The following MACROD2 variants were observed in gnomAD, a reference collection of about 807,000 sequenced individuals.
MACROD2 encodes ADP-ribose glycohydrolase MACROD2.
MACROD2 carries 36 observed loss-of-function variants against 70.4 expected under a neutral mutation model. That is an observed-to-expected ratio of 0.51 (90% CI 0.39 to 0.68). The LOEUF (loss-of-function observed/expected upper bound fraction) is 0.68. MACROD2 is among the 30% of genes least tolerant of loss of function. The pLI is 0.00. For synonymous variants in MACROD2, 172 were observed against 178.8 expected (o/e 0.96, Z 0.30); for missense variants, 496 against 538.4 (o/e 0.92, Z 0.78).
At chr20:14,561,005 G>C (rs1979396023) in intron 4 of MACROD2, among the ~76,000 whole-genome samples, 1 of 151,726 alleles carries the variant, frequency 6.6e-6, no homozygotes, top group Non-Finnish European at 1.5e-5. Flanking sequence ...TTAACAGATG[G>C]ACTGTCAGAT....
intron 5 of MACROD2, among the ~76,000 whole-genome samples, chr20:14,692,757 A>G (rs748300208): frequency 1.3e-4 from 20 of 152,176 alleles, no homozygotes; most frequent in Non-Finnish European, 2.5e-4. Flanking sequence ...TAGCAGTATA[A>G]GAAAGCACAG....
At chr20:15,131,621 A>G (rs1161958666) in intron 5 of MACROD2, among the ~76,000 whole-genome samples, 1 of 152,104 alleles carries the variant, frequency 6.6e-6, no homozygotes, top group Non-Finnish European at 1.5e-5. Context: ...CAAAATTATT[A>G]TTAAAAATGT....
intron 5 of MACROD2, among the ~76,000 whole-genome samples, chr20:14,890,766 A>T (rs1299966962): frequency 1.4e-5 from 1 of 69,162 alleles, no homozygotes; most frequent in African/African-American, 7.2e-5. Flanking sequence ...CAGAAAAAAA[A>T]AAATAATAAA....
intron 8 of MACROD2, among the ~76,000 whole-genome samples, chr20:15,685,577 G>T (rs1382864082): frequency 6.6e-6 from 1 of 152,132 alleles, no homozygotes; most frequent in Non-Finnish European, 1.5e-5. Flanking sequence ...TAGACAAGGG[G>T]GAAGACTCAT....
chr20:14,641,578 C>G (rs906492865), intron 4 of MACROD2, among the ~76,000 whole-genome samples: 3 of 152,140 alleles, frequency 2.0e-5, no homozygotes, highest in African/African-American at 7.2e-5. Context: ...CAAAATTGCT[C>G]CTTGATTGAT....
chr20:15,270,365 G>A (rs181056036), intron 6 of MACROD2, among the ~76,000 whole-genome samples: 13 of 152,194 alleles, frequency 8.5e-5, no homozygotes, highest in South Asian at 2.1e-4. Context: ...AAAGAAGCCC[G>A]TCTCATATTC....
At chr20:14,819,373 G>A (rs1291607893) in intron 5 of MACROD2, among the ~76,000 whole-genome samples, 1 of 144,782 alleles carries the variant, frequency 6.9e-6, no homozygotes, top group Admixed American at 6.9e-5. Flanking sequence ...GCTGCAAGAC[G>A]TATTGATAAG....
At chr20:14,139,772 A>G (rs1191997189) in intron 3 of MACROD2, among the ~76,000 whole-genome samples, 1 of 152,214 alleles carries the variant, frequency 6.6e-6, no homozygotes, top group Admixed American at 6.5e-5. Flanking sequence ...AATATTCCCA[A>G]TCCAAAAATC....
intron 8 of MACROD2, among the ~76,000 whole-genome samples, chr20:15,730,331 A>G (rs1050972203): frequency 6.6e-6 from 1 of 152,084 alleles, no homozygotes; most frequent in African/African-American, 2.4e-5. Context: ...GGTGGTTGCT[A>G]TTGGTCTGTC....
intron 8 of MACROD2, among the ~76,000 whole-genome samples, chr20:15,840,485 A>G (rs2064158496): frequency 6.6e-6 from 1 of 152,176 alleles, no homozygotes; most frequent in African/African-American, 2.4e-5. Flanking sequence ...TCAATTCACA[A>G]AAAAAGATCT....
At chr20:14,822,030 T>G (rs2072851178) in intron 5 of MACROD2, among the ~76,000 whole-genome samples, 1 of 152,094 alleles carries the variant, frequency 6.6e-6, no homozygotes, top group Admixed American at 6.6e-5. Context: ...AAGTAGGTAT[T>G]TGACATCTCA....
chr20:14,223,826 A>G (rs1207102757), intron 3 of MACROD2, among the ~76,000 whole-genome samples: 5 of 152,074 alleles, frequency 3.3e-5, no homozygotes, highest in Non-Finnish European at 7.4e-5. Context: ...GGACTGTATT[A>G]GTTAGGGTTC....
chr20:14,849,322 G>T (rs1457496473), intron 5 of MACROD2, among the ~76,000 whole-genome samples: 1 of 152,088 alleles, frequency 6.6e-6, no homozygotes, highest in African/African-American at 2.4e-5. Context: ...CTCACCTCAT[G>T]ATTGCTTTAT....
intron 3 of MACROD2, among the ~76,000 whole-genome samples, chr20:14,434,071 A>T (rs1253298968): frequency 6.6e-6 from 1 of 152,182 alleles, no homozygotes; most frequent in Non-Finnish European, 1.5e-5. Context: ...TTTAGTCAGT[A>T]TGTTTTTATT....
intron 2 of MACROD2, among the ~76,000 whole-genome samples, chr20:14,074,965 T>G (rs763960617): frequency 6.6e-6 from 1 of 152,230 alleles, no homozygotes; most frequent in Non-Finnish European, 1.5e-5. Context: ...AAATTGTAGA[T>G]GCTATACAGC....
intron 5 of MACROD2, chr20:15,197,035 G>A (rs2145922228): frequency 1.0e-6 from 1 of 985,374 alleles, no homozygotes; most frequent in Non-Finnish European, 1.2e-6. Context: ...TTATGCAGGT[G>A]AGTATTTTGC....
chr20:15,911,580 T>TA (rs1248676794), intron 10 of MACROD2, among the ~76,000 whole-genome samples: 4 of 151,972 alleles, frequency 2.6e-5, no homozygotes, highest in African/African-American at 9.7e-5. Context: ...CCAGCCAGGA[T>TA]AAATGTGAAG....
chr20:14,567,422 GT>G (rs1242582359), intron 4 of MACROD2, among the ~76,000 whole-genome samples: 1 of 152,038 alleles, frequency 6.6e-6, no homozygotes, highest in Non-Finnish European at 1.5e-5. Flanking sequence ...ATAGATTTAT[GT>G]TGGCTTGTGT....
intron 3 of MACROD2, among the ~76,000 whole-genome samples, chr20:14,460,032 A>G (rs1465881696): frequency 6.6e-6 from 1 of 152,122 alleles, no homozygotes; most frequent in Non-Finnish European, 1.5e-5. Context: ...AGCTCCATCC[A>G]TGTACCTGCA....
Sources: allele counts gnomAD v4.1 joint callset (sites outside exome capture counted in the v4.1 genomes callset), GRCh38; gene constraint gnomAD v4.1.1; transcripts MANE v1.5; gene names NCBI Gene and HGNC (gene_info 2026-07-23, HGNC 2026-07-21).